Variants in DISC1 observed in about 807,000 individuals in gnomAD.
DISC1 encodes the protein disrupted in schizophrenia 1 protein.
DISC1 carries 57 observed loss-of-function variants against 84.5 expected under a neutral mutation model. The observed-to-expected ratio is 0.67, with a 90% CI of 0.55 to 0.84. The LOEUF (loss-of-function observed/expected upper bound fraction) is 0.84. Among genes scored for constraint, DISC1 ranks in the 40% least tolerant of loss-of-function variants. DISC1 has a pLI of 0.00. For missense variants in DISC1, 1,000 were observed against 1,057.8 expected, an observed-to-expected ratio of 0.95 and a Z score of 0.76; for synonymous variants, 411 against 415.2, an observed-to-expected ratio of 0.99 and a Z score of 0.12.
chr1:232,015,295 A>T lies in DISC1; in HGVS notation c.2307+6246A>T, dbSNP rs1385980715. Among the ~76,000 whole-genome samples, 7 of 151,600 alleles carry T rather than the reference A, an allele frequency of 4.6e-5. No individual in the cohort carries two copies. The East Asian group carries it at 5.9e-4, about 13-fold the overall frequency. On this transcript the variant is annotated intron_variant, in intron 11 of 12. Coordinates refer to ENST00000439617, the MANE Select transcript of DISC1 (RefSeq NM_018662.3). ...AGGGCCTCACGGTGGCCCTTTTTCC[A>T]CTAATTAAAAATAGTTCAGCGCTTC...
At chr1:231,633,897 T>TC (rs1206485802) in intron 1 of DISC1, among the ~76,000 whole-genome samples, 1 of 151,624 alleles carries the variant, frequency 6.6e-6, no homozygotes, top group Non-Finnish European at 1.5e-5. Context: ...TTTTTTTTTT[T>TC]TTTTGAAACG....
chr1:231,777,048 A>G (rs1404035198), intron 6 of DISC1, among the ~76,000 whole-genome samples: 2 of 152,044 alleles, frequency 1.3e-5, no homozygotes, highest in Non-Finnish European at 2.9e-5. Flanking sequence ...TTGTTCTTTA[A>G]TCTCCACTTC....
intron 1 of DISC1, among the ~76,000 whole-genome samples, chr1:231,681,480 C>T (rs1194743464): frequency 6.6e-6 from 1 of 151,916 alleles, no homozygotes; most frequent in Admixed American, 6.6e-5. Flanking sequence ...AGCTTGTGGT[C>T]AGAGCTGAGG....
chr1:231,973,278 C>G (rs371788447), intron 10 of DISC1, among the ~76,000 whole-genome samples: 7 of 152,170 alleles, frequency 4.6e-5, no homozygotes, highest in South Asian at 2.1e-4. Flanking sequence ...GAACTCCTGA[C>G]CTCGTGATCA....
At chr1:231,857,861 C>T (rs1183378492) in intron 9 of DISC1, among the ~76,000 whole-genome samples, 1 of 152,154 alleles carries the variant, frequency 6.6e-6, no homozygotes, top group African/African-American at 2.4e-5. Flanking sequence ...CTGTGATTTC[C>T]AAGCATTTTC....
rs541149166 is a variant in DISC1 at position 231,862,302 on chromosome 1, A to G, written c.1981+43785A>G. On this transcript the variant is annotated intron_variant, in intron 9 of 12. Transcript: ENST00000439617. ...GAGACGGAATGCTGCCTCTGAGCTG[A>G]GCATTCTTGGTGTTCTCATCACTCA... 1.1e-4 allele frequency among the ~76,000 whole-genome samples: 17 copies of G among 152,268 alleles called. No homozygotes were observed. In the East Asian group the frequency reaches 3.3e-3, roughly 29 times the overall value.
intron 12 of DISC1, among the ~76,000 whole-genome samples, chr1:232,030,892 TGTTTGAGACCAGGA>T (rs752416925): frequency 1.3e-5 from 2 of 152,028 alleles, no homozygotes; most frequent in Non-Finnish European, 2.9e-5. Context: ...GTGGATGGAT[TGTTTGAGACCAGGA>T]GTTTGAGACC....
chr1:231,773,470 C>T (rs192302448), intron 6 of DISC1, among the ~76,000 whole-genome samples: 36 of 152,264 alleles, frequency 2.4e-4, no homozygotes, highest in East Asian at 9.7e-4. Flanking sequence ...CTGCAACCTC[C>T]GCCTCCCAGG....
At chr1:231,722,131 G>A (rs1319911750) in intron 3 of DISC1, among the ~76,000 whole-genome samples, 5 of 125,970 alleles carry the variant, frequency 4.0e-5, no homozygotes, top group Admixed American at 9.5e-5. Context: ...CCAGCCTGGC[G>A]ACATAGCAAG....
At chr1:231,730,100 A>T (rs1046460872) in intron 3 of DISC1, among the ~76,000 whole-genome samples, 59 of 152,214 alleles carry the variant, frequency 3.9e-4, no homozygotes, top group African/African-American at 1.4e-3. Context: ...CATCCAGCTA[A>T]TTTTTTGTGA....
intron 1 of DISC1, among the ~76,000 whole-genome samples, chr1:231,649,050 A>G (rs1487746742): frequency 1.3e-5 from 2 of 151,778 alleles, no homozygotes; most frequent in Non-Finnish European, 2.9e-5. Context: ...TTTTGTCTCT[A>G]TCTCCTTCAG....
intron 9 of DISC1, among the ~76,000 whole-genome samples, chr1:231,856,431 G>T (rs1316512105): frequency 6.6e-6 from 1 of 152,156 alleles, no homozygotes; most frequent in Non-Finnish European, 1.5e-5. Flanking sequence ...CGATATTGTG[G>T]ATATTGTGGA....
At chr1:231,714,520 G>A (rs930857983) in intron 3 of DISC1, among the ~76,000 whole-genome samples, 2 of 151,988 alleles carry the variant, frequency 1.3e-5, no homozygotes, top group Non-Finnish European at 1.5e-5. Flanking sequence ...ATATGATTCA[G>A]CAATTCTACT....
At chr1:231,841,229 A>T (rs1574201649) in intron 9 of DISC1, among the ~76,000 whole-genome samples, 1 of 152,258 alleles carries the variant, frequency 6.6e-6, no homozygotes, top group African/African-American at 2.4e-5. Context: ...TAAGCATTTC[A>T]GATAAGGGAT....
At chr1:231,800,283 T>A in intron 8 of DISC1, 73 bp downstream of exon 8, 6 of 1,188,998 alleles carry the variant, frequency 5.0e-6, no homozygotes, top group Non-Finnish European at 7.5e-6. Flanking sequence ...TCGTGTTTTG[T>A]CCTCGATGAA....
At chr1:232,011,461 T>G (rs924562717) in intron 11 of DISC1, among the ~76,000 whole-genome samples, 1 of 152,226 alleles carries the variant, frequency 6.6e-6, no homozygotes, top group African/African-American at 2.4e-5. Context: ...CCTGTTCCTG[T>G]ATCGCAGTGC....
At chr1:231,647,244 G>C (rs1250188558) in intron 1 of DISC1, among the ~76,000 whole-genome samples, 1 of 152,180 alleles carries the variant, frequency 6.6e-6, no homozygotes, top group Non-Finnish European at 1.5e-5. Flanking sequence ...TTTTGTATAA[G>C]GTGTAAGGAG....
intron 2 of DISC1, among the ~76,000 whole-genome samples, chr1:231,696,360 A>G (rs994425079): frequency 5.3e-5 from 8 of 152,362 alleles, no homozygotes; most frequent in Non-Finnish European, 8.8e-5. Context: ...GCAAGTACCC[A>G]GAAATTAACC....
intron 9 of DISC1, among the ~76,000 whole-genome samples, chr1:231,906,158 G>T (rs186864217): frequency 6.5e-4 from 99 of 151,862 alleles, no homozygotes; most frequent in Middle Eastern, 3.4e-3. Flanking sequence ...AAGCAGCTGG[G>T]ACCACAGACA....
Sources: gnomAD v4.1 joint callset for allele counts (sites outside exome capture counted in the v4.1 genomes callset) on GRCh38, gnomAD v4.1.1 for gene constraint, MANE v1.5 for transcripts, NCBI Gene and HGNC (gene_info 2026-07-23, HGNC 2026-07-21) for gene names.